Variants in NCAM2 observed in about 807,000 individuals in gnomAD.
The protein encoded by NCAM2 is N-CAM-2.
Under a neutral mutation model 98.1 loss-of-function variants are expected in NCAM2, and 30 were observed. The ratio of observed to expected loss-of-function variants is 0.31; its 90% confidence interval spans 0.23 to 0.41. NCAM2 has a LOEUF of 0.41. Among genes scored for constraint, NCAM2 ranks in the 10% least tolerant of loss-of-function variants. The pLI is 1.00. For missense variants in NCAM2, 867 were observed against 1,005.8 expected, an observed-to-expected ratio of 0.86 and a Z score of 1.87; for synonymous variants, 368 against 342.4, an observed-to-expected ratio of 1.07 and a Z score of -0.83.
chr21:21,041,566 G>A (rs1328293158), intron 1 of NCAM2, among the ~76,000 whole-genome samples: 1 of 152,194 alleles, frequency 6.6e-6, no homozygotes, highest in Admixed American at 6.5e-5. Flanking sequence ...ACATTAAAGA[G>A]TAGTGCCTGA....
intron 1 of NCAM2, among the ~76,000 whole-genome samples, chr21:21,250,934 A>T (rs917200061): frequency 6.6e-6 from 1 of 152,222 alleles, no homozygotes; most frequent in African/African-American, 2.4e-5. Context: ...CTAATATTAC[A>T]TGATCATAAT....
intron 11 of NCAM2, among the ~76,000 whole-genome samples, chr21:21,422,126 A>G (rs2077123544): frequency 6.6e-6 from 1 of 152,126 alleles, no homozygotes; most frequent in African/African-American, 2.4e-5. Context: ...CAGAGAGGGT[A>G]AAAAGAGTGC....
chr21:21,310,549 C>T (rs948155795), intron 5 of NCAM2, among the ~76,000 whole-genome samples: 7 of 152,178 alleles, frequency 4.6e-5, no homozygotes, highest in Non-Finnish European at 8.8e-5. Flanking sequence ...TGCTTTAGAT[C>T]AGGAACTGAC....
At chr21:21,179,730 GGTCAGTTTTTGCAA>G (rs1399619783) in intron 1 of NCAM2, among the ~76,000 whole-genome samples, 10 of 152,172 alleles carry the variant, frequency 6.6e-5, no homozygotes, top group African/African-American at 2.4e-4. Flanking sequence ...GTTGTTTTCA[GGTCAGTTTTTGCAA>G]GTGCAGATGT....
At chr21:21,445,805 G>C (rs1980039851) in intron 12 of NCAM2, among the ~76,000 whole-genome samples, 1 of 151,986 alleles carries the variant, frequency 6.6e-6, no homozygotes, top group African/African-American at 2.4e-5. Context: ...CTTTTAATTG[G>C]GGCATTTAGT....
intron 1 of NCAM2, among the ~76,000 whole-genome samples, chr21:21,135,893 T>G (rs948989538): frequency 6.6e-6 from 1 of 152,126 alleles, no homozygotes. Context: ...CCTAGGAGTT[T>G]CCTTGCCTTA....
chr21:21,431,376 AT>A (rs1406115462), intron 11 of NCAM2, among the ~76,000 whole-genome samples: 3 of 151,090 alleles, frequency 2.0e-5, no homozygotes, highest in Admixed American at 6.6e-5. Flanking sequence ...TTCCGAAATA[AT>A]TTTTTATATT....
At chr21:21,368,914 A>G (rs1251544749) in intron 8 of NCAM2, among the ~76,000 whole-genome samples, 4 of 151,798 alleles carry the variant, frequency 2.6e-5, no homozygotes, top group South Asian at 2.1e-4. Context: ...TCCATTTCCA[A>G]TTGTTCGTAA....
At chr21:21,207,156 G>A (rs1455268970) in intron 1 of NCAM2, among the ~76,000 whole-genome samples, 1 of 152,124 alleles carries the variant, frequency 6.6e-6, no homozygotes, top group East Asian at 1.9e-4. Flanking sequence ...AGTCATAATT[G>A]TTTGCATGCA....
intron 1 of NCAM2, among the ~76,000 whole-genome samples, chr21:21,116,967 A>G (rs1164921295): frequency 1.3e-5 from 2 of 152,324 alleles, no homozygotes; most frequent in East Asian, 1.9e-4. Context: ...TTTTGGGGAA[A>G]AAAACAATGT....
chr21:21,105,455 T>G (rs1166549364), intron 1 of NCAM2, among the ~76,000 whole-genome samples: 1 of 152,032 alleles, frequency 6.6e-6, no homozygotes, highest in Non-Finnish European at 1.5e-5. Flanking sequence ...TGGAAGCAAG[T>G]TGAGAGTTCT....
chr21:21,296,519 G>A (rs1051182520), intron 5 of NCAM2, among the ~76,000 whole-genome samples: 6 of 151,712 alleles, frequency 4.0e-5, no homozygotes, highest in Non-Finnish European at 5.9e-5. Context: ...AGATTAGGTG[G>A]AGGTGCAGCT....
chr21:21,141,575 A>T (rs1420982080), intron 1 of NCAM2, among the ~76,000 whole-genome samples: 1 of 152,198 alleles, frequency 6.6e-6, no homozygotes, highest in African/African-American at 2.4e-5. Flanking sequence ...AGTTTTAATA[A>T]ACATAATTAT....
In NCAM2 at chr21:21,284,377, C is replaced by T; in HGVS notation, c.314C>T (p.Ala105Val). Residue 105 changes from alanine to valine, a missense_variant, in exon 3 of 18, where the codon GCT (alanine) becomes GTT (valine). This residue lies in a region of NCAM2 where 447 missense variants were observed against 495.7 expected (regional missense o/e 0.90). Transcript: ENST00000400546. ...ATDAKGQTQE[A>V]TVVLEIYQKL... is the part of the protein sequence containing the mutation. ...GATGCCAAAGGACAAACACAAGAAG[C>T]TACAGTAGTTTTGGAAATTTACCGT... 1 of 1,611,764 alleles carries T rather than the reference C, an allele frequency of 6.2e-7. No individual in the cohort carries two copies. Among genetic ancestry groups the T allele is most frequent in the Non-Finnish European group, 8.5e-7 (1 of 1,178,446 alleles).
At chr21:21,038,265 TATAA>T (rs2064836877) in intron 1 of NCAM2, among the ~76,000 whole-genome samples, 1 of 152,218 alleles carries the variant, frequency 6.6e-6, no homozygotes, top group Non-Finnish European at 1.5e-5. Context: ...AAATTTTGTA[TATAA>T]AAGAAAATGT....
intron 1 of NCAM2, among the ~76,000 whole-genome samples, chr21:21,169,361 G>T (rs2068049746): frequency 6.6e-6 from 1 of 152,094 alleles, no homozygotes; most frequent in Non-Finnish European, 1.5e-5. Flanking sequence ...AACAGGATAA[G>T]ATCTACATGA....
At chr21:21,515,527 A>G (rs1022202670) in intron 16 of NCAM2, among the ~76,000 whole-genome samples, 4 of 148,966 alleles carry the variant, frequency 2.7e-5, no homozygotes, top group Admixed American at 6.7e-5. Flanking sequence ...TTTTGTTAGA[A>G]CCAAAGCAAA....
chr21:21,087,673 G>T (rs1453932974), intron 1 of NCAM2, among the ~76,000 whole-genome samples: 1 of 152,136 alleles, frequency 6.6e-6, no homozygotes, highest in East Asian at 1.9e-4. Context: ...AGCACTCTGG[G>T]TCACAGACAG....
chr21:21,301,458 A>T (rs2147646783), intron 5 of NCAM2, among the ~76,000 whole-genome samples: 1 of 145,808 alleles, frequency 6.9e-6, no homozygotes, highest in Non-Finnish European at 1.5e-5. Flanking sequence ...ATATGTATAC[A>T]TGTGCCATGC....
Sources: allele counts gnomAD v4.1 joint callset (sites outside exome capture counted in the v4.1 genomes callset), GRCh38; gene constraint gnomAD v4.1.1; regional missense constraint gnomAD v4.1.1; transcripts MANE v1.5; gene names NCBI Gene and HGNC (gene_info 2026-07-23, HGNC 2026-07-21).